The following PRG4 variants were observed in gnomAD, a reference collection of about 807,000 sequenced individuals.
The protein encoded by PRG4 is articular superficial zone protein.
Under a neutral mutation model 91.2 loss-of-function variants are expected in PRG4, and 61 were observed. The ratio of observed to expected loss-of-function variants is 0.67; its 90% confidence interval spans 0.54 to 0.83. The LOEUF (loss-of-function observed/expected upper bound fraction) is 0.83. Among genes scored for constraint, PRG4 ranks in the 40% least tolerant of loss-of-function variants. The probability of loss-of-function intolerance (pLI) is 0.00; values close to 1 mark genes in which losing one functional copy is unlikely to be tolerated. For missense variants in PRG4, 1,564 were observed against 1,714.2 expected, an observed-to-expected ratio of 0.91 and a Z score of 1.55; for synonymous variants, 576 against 614.2, an observed-to-expected ratio of 0.94 and a Z score of 0.92.
intron 8 of PRG4, among the ~76,000 whole-genome samples, chr1:186,310,190 C>T (rs939806375): frequency 2.7e-4 from 40 of 148,586 alleles, no homozygotes; most frequent in African/African-American, 9.9e-4. Flanking sequence ...AATTTCATAC[C>T]AAATGAAATG....
intron 12 of PRG4, 117 bp from the exon 13 acceptor site, chr1:186,313,564 A>G: frequency 1.5e-6 from 1 of 672,860 alleles, no homozygotes; most frequent in Non-Finnish European, 2.6e-6. Flanking sequence ...TAATTAGTAA[A>G]AACATCTCTA....
chr1:186,307,028 C>A lies in PRG4; in HGVS notation c.1309C>A (p.Pro437Thr). The A allele has an allele frequency of 6.3e-7, 1 of 1,588,680 alleles. No individual in the cohort carries two copies. Among genetic ancestry groups the A allele is most frequent in the Non-Finnish European group, 8.5e-7 (1 of 1,170,128 alleles). The change falls in exon 7 of 13, where the codon CCC becomes ACC. Residue 437 changes from proline to threonine, a missense_variant. By Grantham distance (38) the Pro-to-Thr change is conservative. This residue lies in a region of PRG4 where 48 missense variants were observed against 93.0 expected (regional missense o/e 0.52). Coordinates refer to ENST00000445192, the MANE Select transcript of PRG4 (RefSeq NM_005807.6). ...ACCCACCACTCCCAAGGAGCCTGCACCCACCACCCCCAAGAAGCCTGCCCC... is the reference window on the plus strand; with the variant it reads ...ACCCACCACTCCCAAGGAGCCTGCAACCACCACCCCCAAGAAGCCTGCCCC... ...SAPTTPKEPA[P>T]TTPKKPAPTT...
rs1657440167 is a variant in PRG4 at position 186,313,543 on chromosome 1, A to G, written c.4118-138A>G. ...AGGCAATTGTTTTTCTTTTTGTTATAAAGTTCAAATTAATTAGTAAAAACA... is the reference window on the plus strand; with the variant it reads ...AGGCAATTGTTTTTCTTTTTGTTATGAAGTTCAAATTAATTAGTAAAAACA... On this transcript the variant is annotated intron_variant, in intron 12 of 12. Coordinates refer to ENST00000445192, the MANE Select transcript of PRG4 (RefSeq NM_005807.6). 5 of 603,584 alleles carry G rather than the reference A, an allele frequency of 8.3e-6. No individual in the cohort carries two copies. The South Asian group carries it at 1.1e-4, about 13-fold the overall frequency. 37.4% of individuals were successfully genotyped at this position (603,584 alleles called of 1,614,324 possible).
intron 1 of PRG4, among the ~76,000 whole-genome samples, chr1:186,296,599 T>C (rs182436035): frequency 3.9e-4 from 59 of 152,314 alleles, no homozygotes; most frequent in Middle Eastern, 3.4e-3. Flanking sequence ...CTATTCTATA[T>C]TGGAGATTTC....
chr1:186,311,735 A>T (rs1406255473), intron 10 of PRG4, 139 bp downstream of exon 10: 1 of 930,742 alleles, frequency 1.1e-6, no homozygotes, highest in Non-Finnish European at 1.6e-6. Flanking sequence ...ATCAATATTG[A>T]GGGTAGTATT....
intron 10 of PRG4, 57 bp downstream of exon 10, chr1:186,311,653 T>C (rs959104016): frequency 3.3e-6 from 5 of 1,515,138 alleles, no homozygotes; most frequent in Non-Finnish European, 3.7e-6. Flanking sequence ...CACTCAGCAT[T>C]TTCATTTATT....
intron 2 of PRG4, 48 bp downstream of exon 2, chr1:186,296,999 A>G (rs1352312247): frequency 3.0e-5 from 45 of 1,478,290 alleles, no homozygotes; most frequent in Non-Finnish European, 4.3e-5. Context: ...ATTGCTAATC[A>G]TTCAGTCTTG....
At chr1:186,311,271 A>G (rs1019454142) in intron 9 of PRG4, 101 bp downstream of exon 9, 1 of 1,424,584 alleles carries the variant, frequency 7.0e-7, no homozygotes, top group Non-Finnish European at 9.8e-7. Flanking sequence ...GTCCTTTTAA[A>G]TACTCTGTCA....
chr1:186,300,243 T>G lies in PRG4; in HGVS notation c.199+30T>G, dbSNP rs753053406. On this transcript the variant is annotated intron_variant, in intron 3 of 12. Transcript: ENST00000445192. ...GTCCTGAGAGCGGGTGTCTCCTCTG[T>G]CAAGCAACACTGCGAGTCTGTGAGT... 2.7e-5 allele frequency: 43 copies of G among 1,613,144 alleles called. No individual in the cohort carries two copies. In the Admixed American group the frequency reaches 7.2e-4, roughly 27 times the overall value.
At position 186,307,346 on chromosome 1, in the gene PRG4, A is replaced by G; in HGVS notation, c.1627A>G (p.Lys543Glu). The G allele has an allele frequency of 6.7e-7, 1 of 1,489,974 alleles. No individual in the cohort carries two copies. The highest frequency in any genetic ancestry group is 2.8e-5 in the East Asian group (1 of 35,990). The allele number at this position is 1,489,974 out of a possible 1,614,324, so 92.3% of individuals were successfully genotyped here. ...TTKEPAPTTT[K>E]SAPTTPKEPS... ...CAAGGAGCCTGCACCCACCACTACC[A>G]AGTCTGCACCCACCACTCCCAAGGA... The change falls in exon 7 of 13, where the codon AAG becomes GAG. Residue 543 changes from lysine (K) to glutamate (E), a missense_variant. Physicochemically the swap from Lys to Glu is moderately conservative, Grantham distance 56 (BLOSUM62 1). Transcript: ENST00000445192.
chr1:186,305,442 A>G (rs951690590), intron 6 of PRG4, among the ~76,000 whole-genome samples: 10 of 152,196 alleles, frequency 6.6e-5, no homozygotes, highest in Non-Finnish European at 1.5e-4. Context: ...CCTCTAGTAG[A>G]GACTGTGCTA....
At position 186,306,303 on chromosome 1, in the gene PRG4, A is replaced by G. The variant is rs756908958; in HGVS notation, c.599-15A>G. ...AAAATATTCTAAAATAACAAGATGT[A>G]TATTTTTTCTCCAGTAAAAGATAAC... On this transcript the variant is annotated splice_polypyrimidine_tract_variant and intron_variant, in intron 6 of 12. Coordinates refer to ENST00000445192, the MANE Select transcript of PRG4 (RefSeq NM_005807.6). 3.9e-6 allele frequency: 6 copies of G among 1,541,856 alleles called. No homozygotes were observed. The South Asian group carries it at 6.0e-5, about 15-fold the overall frequency.
rs374504486 is a variant in PRG4 at position 186,304,758 on chromosome 1, C to T, written c.470-36C>T. 2.5e-6 allele frequency: 4 copies of T among 1,595,630 alleles called. No homozygotes were observed. The African/African-American group carries it at 4.0e-5, about 16-fold the overall frequency. ...GGTGGTTCTTTTTTGTTTTAAATCA[C>T]AGTTGGTGTGATCAAACTTTCTATT... is the stretch of plus-strand genomic sequence containing the variant. On this transcript the variant is annotated intron_variant, in intron 5 of 12. Coordinates refer to ENST00000445192, the MANE Select transcript of PRG4 (RefSeq NM_005807.6).
In PRG4 at chr1:186,314,442, T is replaced by A. The variant is rs1260495579; in HGVS notation, c.*664T>A. 2.3e-6 allele frequency: 1 copy of A among 432,588 alleles called. No homozygotes were observed. Among genetic ancestry groups the A allele is most frequent in the Non-Finnish European group, 4.1e-6 (1 of 245,140 alleles). 26.8% of individuals were successfully genotyped at this position (432,588 alleles called of 1,614,324 possible). ...AATATAAGCACATATTTATTATATA[T>A]CTAAGGTATACAAATCTGTCTACAT... is the stretch of plus-strand genomic sequence containing the variant. On this transcript the variant is annotated 3_prime_UTR_variant, in exon 13 of 13. Transcript: ENST00000445192.
chr1:186,300,171 T>C lies in PRG4; in HGVS notation c.157T>C (p.Tyr53His), dbSNP rs765523281. ...CAACTGTGATTATAACTGTCAACACTACATGGAGTGCTGCCCTGATTTCAA... is the reference window on the plus strand; with the variant it reads ...CAACTGTGATTATAACTGTCAACACCACATGGAGTGCTGCCCTGATTTCAA... ...TCNCDYNCQH[Y>H]MECCPDFKRV... is the part of the protein sequence containing the mutation. The change falls in exon 3 of 13, where the codon TAC (tyrosine) becomes CAC (histidine). Residue 53 changes from tyrosine (Y) to histidine (H), a missense_variant. Tyr to His is a moderately conservative substitution (Grantham distance 83). This residue lies in a region of PRG4 where 437 missense variants were observed against 459.0 expected (regional missense o/e 0.95). Coordinates refer to ENST00000445192, the MANE Select transcript of PRG4 (RefSeq NM_005807.6). The C allele has an allele frequency of 6.2e-7, 1 of 1,614,188 alleles. No homozygotes were observed. The highest frequency in any genetic ancestry group is 8.5e-7 in the Non-Finnish European group (1 of 1,180,030).
intron 2 of PRG4, among the ~76,000 whole-genome samples, chr1:186,297,889 C>T (rs751441388): frequency 2.0e-5 from 3 of 152,102 alleles, no homozygotes; most frequent in Non-Finnish European, 2.9e-5. Flanking sequence ...GACAGGAAAA[C>T]ACATGAAAGC....
rs561254154 is a variant in PRG4 at position 186,314,083 on chromosome 1, T to C, written c.*305T>C. On this transcript the variant is annotated 3_prime_UTR_variant, in exon 13 of 13. Transcript: ENST00000445192. ...ATCTTTTAAGAATTCAAAACTAGTG[T>C]ATTCACTTACCCTAGTTCATTATAA... is the stretch of plus-strand genomic sequence containing the variant. The C allele has an allele frequency of 9.3e-6, 14 of 1,506,382 alleles. No homozygotes were observed. Among genetic ancestry groups the C allele is most frequent in the Non-Finnish European group, 1.1e-5 (12 of 1,095,566 alleles). The allele number at this position is 1,506,382 out of a possible 1,614,324, so 93.3% of individuals were successfully genotyped here.
Position 186,309,125 on chromosome 1 carries a change from A to C in PRG4, c.3406A>C (p.Asn1136His). 1 of 1,612,792 alleles carries C rather than the reference A, an allele frequency of 6.2e-7. No individual in the cohort carries two copies. Among genetic ancestry groups the C allele is most frequent in the South Asian group, 1.1e-5 (1 of 91,032 alleles). Residue 1136 changes from asparagine to histidine, a missense_variant, in exon 7 of 13, where the codon AAT becomes CAT. By Grantham distance (68) the Asn-to-His change is moderately conservative. This residue lies in a region of PRG4 where 1,079 missense variants were observed against 1,162.2 expected (regional missense o/e 0.93). Transcript: ENST00000445192. The part of the protein sequence containing the change: ...PRVPNQGIII[N>H]PMLSDETNIC... The stretch of plus-strand genomic sequence containing the variant: ...AGTACCCAATCAAGGCATTATCATC[A>C]ATCCCATGCTTTCCGGTATTAAGAA...
Position 186,312,871 on chromosome 1 carries a change from A to G in PRG4, c.4094A>G (p.Tyr1365Cys). ...CCCAACATCAGAAAACCTGACGGCTATGATTACTATGCCTTTTCTAAAGGT... is the reference window on the plus strand; with the variant it reads ...CCCAACATCAGAAAACCTGACGGCTGTGATTACTATGCCTTTTCTAAAGGT... Reference protein sequence around the residue: ...SLPNIRKPDGYDYYAFSKDQY... With the variant: ...SLPNIRKPDGCDYYAFSKDQY... The change falls in exon 12 of 13, where the codon TAT (tyrosine) becomes TGT (cysteine). Residue 1365 changes from tyrosine (Y) to cysteine (C), a missense_variant. Coordinates refer to ENST00000445192, the MANE Select transcript of PRG4 (RefSeq NM_005807.6). The G allele has an allele frequency of 6.2e-7, 1 of 1,612,576 alleles. No homozygotes were observed. The highest frequency in any genetic ancestry group is 8.5e-7 in the Non-Finnish European group (1 of 1,178,584).
Sources: allele counts gnomAD v4.1 joint callset (sites outside exome capture counted in the v4.1 genomes callset), GRCh38; gene constraint gnomAD v4.1.1; regional missense constraint gnomAD v4.1.1; transcripts MANE v1.5; gene names NCBI Gene and HGNC (gene_info 2026-07-23, HGNC 2026-07-21).